The following NDUFAF6 variants were observed in gnomAD, a reference collection of about 807,000 sequenced individuals.
NDUFAF6 encodes NADH dehydrogenase (ubiquinone) complex I, assembly factor 6.
NDUFAF6 carries 45 observed loss-of-function variants against 40.8 expected under a neutral mutation model. The observed-to-expected ratio is 1.10, with a 90% CI of 0.87 to 1.42. The LOEUF is 1.42. NDUFAF6 is among the 40% of genes most tolerant of loss of function. The pLI, the probability that NDUFAF6 is intolerant of heterozygous loss-of-function variation, is 0.00. For synonymous variants in NDUFAF6, 185 were observed against 155.9 expected, an observed-to-expected ratio of 1.19 and a Z score of -1.39; for missense variants, 435 against 418.5, an observed-to-expected ratio of 1.04 and a Z score of -0.34.
chr8:94,905,993 T>A (rs1023247032), intron 1 of NDUFAF6, among the ~76,000 whole-genome samples: 13 of 152,240 alleles, frequency 8.5e-5, no homozygotes, highest in Non-Finnish European at 1.5e-4. Context: ...GTAGATTTTT[T>A]AAAAAATTGT....
At chr8:95,115,772 G>T (rs1156231986) in intron 5 of NDUFAF6, 1 of 152,210 alleles carries the variant, frequency 6.6e-6, no homozygotes, top group Non-Finnish European at 1.5e-5. Context: ...TGACTGCTTG[G>T]CAGATAGTTT....
chr8:95,035,527 T>A lies in NDUFAF6; in HGVS notation c.371T>A (p.Ile124Lys), dbSNP rs201732170. The A allele has an allele frequency of 1.9e-6, 3 of 1,613,100 alleles. No homozygotes were observed. Among genetic ancestry groups the A allele is most frequent in the South Asian group, 1.1e-5 (1 of 91,052 alleles). ...TTTTGGAAAAAAACTGTGGAAGATA[T>A]ATACTGTGACAATCCACCACATCAG... ...MQFWKKTVED[I>K]YCDNPPHQPV... is the part of the protein sequence containing the mutation. The change falls in exon 3 of 9, where the codon ATA becomes AAA. Residue 124 changes from isoleucine to lysine, a missense_variant. Ile to Lys is a moderately radical substitution (Grantham distance 102). Coordinates refer to ENST00000396124, the MANE Select transcript of NDUFAF6 (RefSeq NM_152416.4).
intron 2 of NDUFAF6, among the ~76,000 whole-genome samples, chr8:95,013,250 C>G (rs1398474094): frequency 1.3e-5 from 2 of 152,092 alleles, no homozygotes; most frequent in African/African-American, 4.8e-5. Context: ...CAGGTGTACA[C>G]CACCACACCT....
chr8:95,069,798 TATATATATATATAA>T (rs1412674847), intron 9 of NDUFAF6, among the ~76,000 whole-genome samples: 3 of 142,798 alleles, frequency 2.1e-5, no homozygotes, highest in Admixed American at 7.0e-5. Flanking sequence ...AAAAAAATTA[TATATATATATATAA>T]ATATATATAT....
chr8:94,901,550 G>A (rs1818016986), intron 1 of NDUFAF6, among the ~76,000 whole-genome samples: 2 of 151,534 alleles, frequency 1.3e-5, no homozygotes, highest in Non-Finnish European at 2.9e-5. Context: ...GTTGGTTTTG[G>A]ACAGGTTAAA....
In NDUFAF6 at chr8:94,968,151, C is replaced by T. The variant is rs1468143561; in HGVS notation, c.-199+9972C>T. On this transcript the variant is annotated intron_variant, in intron 1 of 9. Coordinates refer to the NDUFAF6 transcript ENST00000396111. ...AAAGGAACAGAGAGAAGTCAGTCTTCTTGTAAAACATTCTCAGAAGTGACA... is the reference window on the plus strand; with the variant it reads ...AAAGGAACAGAGAGAAGTCAGTCTTTTTGTAAAACATTCTCAGAAGTGACA... Among the ~76,000 whole-genome samples, 4 of 152,142 alleles carry T rather than the reference C, an allele frequency of 2.6e-5. No homozygotes were observed. The East Asian group carries it at 7.7e-4, about 29-fold the overall frequency.
intron 2 of NDUFAF6, among the ~76,000 whole-genome samples, chr8:94,981,322 C>T (rs1263073887): frequency 6.6e-6 from 1 of 152,220 alleles, no homozygotes; most frequent in Non-Finnish European, 1.5e-5. Flanking sequence ...CCAGATGCAG[C>T]TGCCTGATCT....
At chr8:95,033,716 C>T (rs1354244642) in intron 2 of NDUFAF6, among the ~76,000 whole-genome samples, 1 of 152,082 alleles carries the variant, frequency 6.6e-6, no homozygotes, top group African/African-American at 2.4e-5. Flanking sequence ...GAGCAGAGAT[C>T]TGAAGGAGGT....
chr8:95,024,876 G>C, upstream of NDUFAF6: 4 of 770,066 alleles, frequency 5.2e-6, no homozygotes, highest in Non-Finnish European at 7.1e-6. Flanking sequence ...AGCGACACCT[G>C]GCTCTTCTTT....
At chr8:95,101,518 C>T (rs764834126) in intron 2 of NDUFAF6, among the ~76,000 whole-genome samples, 3 of 152,154 alleles carry the variant, frequency 2.0e-5, no homozygotes, top group Non-Finnish European at 2.9e-5. Context: ...GGCTCTTCCT[C>T]ATGCTGTCAT....
chr8:95,035,502 T>C lies in NDUFAF6; in HGVS notation c.346T>C (p.Phe116Leu), dbSNP rs757067360. Residue 116 changes from phenylalanine to leucine, a missense_variant, in exon 3 of 9, where the codon TTT becomes CTT. Coordinates refer to ENST00000396124, the MANE Select transcript of NDUFAF6 (RefSeq NM_152416.4). The part of the protein sequence containing the change: ...EKTIGLMRMQ[F>L]WKKTVEDIYC... ...AACAATTGGACTGATGCGAATGCAGTTTTGGAAAAAAACTGTGGAAGATAT... is the reference window on the plus strand; with the variant it reads ...AACAATTGGACTGATGCGAATGCAGCTTTGGAAAAAAACTGTGGAAGATAT... 6.2e-7 allele frequency: 1 copy of C among 1,613,874 alleles called. No individual in the cohort carries two copies. Among genetic ancestry groups the C allele is most frequent in the Admixed American group, 1.7e-5 (1 of 60,000 alleles).
chr8:94,995,767 C>G (rs1826400555), intron 2 of NDUFAF6, among the ~76,000 whole-genome samples: 1 of 152,156 alleles, frequency 6.6e-6, no homozygotes, highest in East Asian at 1.9e-4. Context: ...CCTCAGTGTT[C>G]CAGGCTACAT....
chr8:95,074,876 C>T (rs189249764), intron 9 of NDUFAF6, among the ~76,000 whole-genome samples: 1 of 152,246 alleles, frequency 6.6e-6, no homozygotes, highest in African/African-American at 2.4e-5. Context: ...GATCAAGGGC[C>T]TCATGTTATG....
At chr8:94,946,704 A>AAAAAAAAAAAAAAAAAG (rs1822040606) in intron 2 of NDUFAF6, among the ~76,000 whole-genome samples, 1 of 146,332 alleles carries the variant, frequency 6.8e-6, no homozygotes, top group Non-Finnish European at 1.5e-5. Context: ...CTCAAAAAAA[A>AAAAAAAAAAAAAAAAAG]AAAAAAAAAA....
chr8:95,101,842 G>C (rs1772126803), intron 2 of NDUFAF6, among the ~76,000 whole-genome samples: 1 of 152,154 alleles, frequency 6.6e-6, no homozygotes, highest in South Asian at 2.1e-4. Context: ...GAAAAGTGCA[G>C]AGGAAGAGGC....
At chr8:94,947,860 G>A (rs1822155995) in intron 2 of NDUFAF6, among the ~76,000 whole-genome samples, 1 of 152,216 alleles carries the variant, frequency 6.6e-6, no homozygotes, top group Non-Finnish European at 1.5e-5. Context: ...CCAGGCAGGG[G>A]CCTTTTAAAA....
chr8:95,105,567 C>T (rs1264347593), downstream of NDUFAF6, among the ~76,000 whole-genome samples: 1 of 152,156 alleles, frequency 6.6e-6, no homozygotes, highest in African/African-American at 2.4e-5. Context: ...TGGAGTCTGG[C>T]TCTATTGCCC....
chr8:94,991,229 AT>A (rs1444014397), intron 2 of NDUFAF6, among the ~76,000 whole-genome samples: 1 of 152,236 alleles, frequency 6.6e-6, no homozygotes, highest in Non-Finnish European at 1.5e-5. Context: ...TTAATAAAAA[AT>A]ATCTTCCAAT....
At chr8:94,968,481 G>A (rs2131517940) in intron 1 of NDUFAF6, among the ~76,000 whole-genome samples, 1 of 152,324 alleles carries the variant, frequency 6.6e-6, no homozygotes, top group East Asian at 1.9e-4. Flanking sequence ...GGGCATCTGT[G>A]GAAGAGCATT....
Sources: gnomAD v4.1 joint callset for allele counts (sites outside exome capture counted in the v4.1 genomes callset) on GRCh38, gnomAD v4.1.1 for gene constraint, MANE v1.5 for transcripts, NCBI Gene and HGNC (gene_info 2026-07-23, HGNC 2026-07-21) for gene names.